MYH4: variants seen among roughly 807,000 people sequenced by gnomAD.
The protein encoded by MYH4 is myosin-4.
MYH4 carries 200 observed loss-of-function variants against 229.9 expected under a neutral mutation model. The observed-to-expected ratio is 0.87, with a 90% CI of 0.78 to 0.98. MYH4 has a LOEUF of 0.98. Among genes scored for constraint, MYH4 ranks in the 50% least tolerant of loss-of-function variants. MYH4 has a pLI of 0.00. For synonymous variants in MYH4, 761 were observed against 834.6 expected (o/e 0.91, Z 1.52); for missense variants, 2,148 against 2,332.6 (o/e 0.92, Z 1.63).
At chr17:10,453,993 A>G (rs2072608890) in intron 22 of MYH4, 108 bp from the exon 23 acceptor site, 1 of 1,414,078 alleles carries the variant, frequency 7.1e-7, no homozygotes, top group Admixed American at 2.1e-5. Context: ...GTCAACATGT[A>G]TACCAGTTGC....
Position 10,463,185 on chromosome 17 carries a change from A to G in MYH4, c.809T>C (p.Leu270Pro), listed in dbSNP as rs1193782859. ...AAAAGTAACTCGGGACTTCTCTAGC[A>G]GATCTGGAAGTCAGATTAAGCTCAT... ...KLASADIETY[L>P]LEKSRVTFQL... The change falls in exon 10 of 40, where the codon CTG (leucine) becomes CCG (proline). Residue 270 changes from leucine to proline, a missense_variant. Transcript: ENST00000255381. 1 of 1,610,572 alleles carries G rather than the reference A, an allele frequency of 6.2e-7. No individual in the cohort carries two copies. The highest frequency in any genetic ancestry group is 8.5e-7 in the Non-Finnish European group (1 of 1,177,588).
In MYH4 at chr17:10,444,590, G is replaced by A. The variant is rs756701646; in HGVS notation, c.5667+14C>T. The stretch of plus-strand genomic sequence containing the variant: ...TGCATCTGAACCTTTCATTTCCACT[G>A]TGGAGATACTCACAGCCTCTTCAGC... On this transcript the variant is annotated intron_variant, in intron 39 of 39. Coordinates refer to ENST00000255381, the MANE Select transcript of MYH4 (RefSeq NM_017533.2). 1.2e-6 allele frequency: 2 copies of A among 1,607,468 alleles called. 1 individual carries two copies. Among genetic ancestry groups the A allele is most frequent in the South Asian group, 2.2e-5 (2 of 90,798 alleles).
At position 10,455,744 on chromosome 17, in the gene MYH4, A is replaced by T; in HGVS notation, c.2057-13T>A. On this transcript the variant is annotated splice_polypyrimidine_tract_variant and intron_variant, in intron 18 of 39. Transcript: ENST00000255381. ...TGCTCCATGGCACCTAAGAGAATGA[A>T]TCCACATGCCATACTTCGTGGTCTA... 1 of 1,614,160 alleles carries T rather than the reference A, an allele frequency of 6.2e-7. No homozygotes were observed. Among genetic ancestry groups the T allele is most frequent in the Non-Finnish European group, 8.5e-7 (1 of 1,180,016 alleles).
At chr17:10,463,791 G>A in intron 7 of MYH4, 148 bp from the exon 8 acceptor site, 1 of 609,900 alleles carries the variant, frequency 1.6e-6, no homozygotes, top group East Asian at 2.9e-5. Context: ...GGTAAATCGG[G>A]AAGGGGAGTG....
rs752164393 is a variant in MYH4, at chr17:10,465,505, G to A, written c.442C>T (p.Arg148Cys). 30 of 1,614,002 alleles carry A rather than the reference G, an allele frequency of 1.9e-5. No individual in the cohort carries two copies. The highest frequency in any genetic ancestry group is 2.4e-5 in the Non-Finnish European group (28 of 1,180,020). Residue 148 changes from arginine to cysteine, a missense_variant, in exon 5 of 40, where the codon CGC (arginine) becomes TGC (cysteine). Arg to Cys is a radical substitution (Grantham distance 180). Coordinates refer to ENST00000255381, the MANE Select transcript of MYH4 (RefSeq NM_017533.2). ...AAGATATGGGGTGGGGCCTCCTGGCGCTTTTTGCCTCGGTAGGCTGTCACC... is the reference window on the plus strand; with the variant it reads ...AAGATATGGGGTGGGGCCTCCTGGCACTTTTTGCCTCGGTAGGCTGTCACC... Reference protein sequence around the residue: ...EVVTAYRGKKRQEAPPHIFSI... With the variant: ...EVVTAYRGKKCQEAPPHIFSI...
In MYH4 at chr17:10,455,728, G is replaced by A. The variant is rs2072631633; in HGVS notation, c.2060C>T (p.Ala687Val). ...IIPNETKTPG[A>V]MEHELVLHQL... ...ATGCAGGACAAGCTCATGCTCCATGGCACCTAAGAGAATGAATCCACATGC... is the reference window on the plus strand; with the variant it reads ...ATGCAGGACAAGCTCATGCTCCATGACACCTAAGAGAATGAATCCACATGC... Residue 687 changes from alanine (A) to valine (V), a missense_variant, in exon 19 of 40, where the codon GCC (alanine) becomes GTC (valine). Coordinates refer to ENST00000255381, the MANE Select transcript of MYH4 (RefSeq NM_017533.2). 6.2e-7 allele frequency: 1 copy of A among 1,614,092 alleles called. No homozygotes were observed. Among genetic ancestry groups the A allele is most frequent in the Non-Finnish European group, 8.5e-7 (1 of 1,180,010 alleles).
In MYH4 at chr17:10,455,800, C is replaced by T. The variant is rs746636530; in HGVS notation, c.2056+14G>A. Reference sequence around the variant, plus strand: ...CACACACTGGAGCTTGTCTGGATATCAGAAATGTCTTACCAGGAGTTTTAG... The same window carrying T: ...CACACACTGGAGCTTGTCTGGATATTAGAAATGTCTTACCAGGAGTTTTAG... On this transcript the variant is annotated intron_variant, in intron 18 of 39. Coordinates refer to ENST00000255381, the MANE Select transcript of MYH4 (RefSeq NM_017533.2). 2 of 1,614,040 alleles carry T rather than the reference C, an allele frequency of 1.2e-6. No homozygotes were observed. Among genetic ancestry groups the T allele is most frequent in the African/African-American group, 2.7e-5 (2 of 74,922 alleles).
intron 2 of MYH4, among the ~76,000 whole-genome samples, chr17:10,469,077 T>A (rs1356699155): frequency 7.1e-6 from 1 of 141,266 alleles, no homozygotes; most frequent in Admixed American, 7.5e-5. Flanking sequence ...CTTTCTGTAG[T>A]TCTAACAACA....
rs375508154 is a variant in MYH4, at chr17:10,454,760, T to C, written c.2486A>G (p.Lys829Arg). 4 of 1,614,110 alleles carry C rather than the reference T, an allele frequency of 2.5e-6. No homozygotes were observed. In the African/African-American group the frequency reaches 4.0e-5, roughly 16 times the overall value. The change falls in exon 22 of 40, where the codon AAG becomes AGG. Residue 829 changes from lysine to arginine, a missense_variant. Transcript: ENST00000255381. ...ATACAGCTTCATCCAGGGCCAGTGC[T>C]TCACATTCATGAAAGCACGGATGTT... ...QYNIRAFMNVKHWPWMKLYFK... is the reference protein window; with the variant it reads ...QYNIRAFMNVRHWPWMKLYFK...
In MYH4 at chr17:10,465,545, C is replaced by T; in HGVS notation, c.402G>A (p.Val134=). 6.2e-7 allele frequency: 1 copy of T among 1,614,126 alleles called. No homozygotes were observed. The highest frequency in any genetic ancestry group is 8.5e-7 in the Non-Finnish European group (1 of 1,180,028). Residue 134 remains valine, a synonymous_variant, in exon 5 of 40, where the codon GTG becomes GTA. Coordinates refer to ENST00000255381, the MANE Select transcript of MYH4 (RefSeq NM_017533.2). The stretch of plus-strand genomic sequence containing the variant: ...AGGCTGTCACCACCTCAGGGTTGTA[C>T]ACCGGCAGCCACTTGTAGGGGTTGA... ...VTVNPYKWLP[V]YNPEVVTAYR... is the part of the protein sequence containing the mutation.
Position 10,451,397 on chromosome 17 carries a change from G to T in MYH4, c.3794C>A (p.Thr1265Lys). The change falls in exon 28 of 40, where the codon ACA becomes AAA. Residue 1265 changes from threonine to lysine, a missense_variant. Physicochemically the swap from Thr to Lys is moderately conservative, Grantham distance 78. Transcript: ENST00000255381. ...TAAGCGTTGTTGCTCTTCTTCCTTTGTTTTTATTTCACTAAGCTGGTCCTC... is the reference window on the plus strand; with the variant it reads ...TAAGCGTTGTTGCTCTTCTTCCTTTTTTTTTATTTCACTAAGCTGGTCCTC... ...TLEDQLSEIKTKEEEQQRLIN... is the reference protein window; with the variant it reads ...TLEDQLSEIKKKEEEQQRLIN... The T allele has an allele frequency of 1.2e-6, 2 of 1,613,956 alleles. No homozygotes were observed. The highest frequency in any genetic ancestry group is 1.7e-6 in the Non-Finnish European group (2 of 1,179,952).
At chr17:10,468,594 G>T (rs2072790749) in intron 2 of MYH4, among the ~76,000 whole-genome samples, 1 of 152,166 alleles carries the variant, frequency 6.6e-6, no homozygotes, top group Admixed American at 6.5e-5. Context: ...CAATTAGCAG[G>T]ATTCCATTAG....
intron 2 of MYH4, among the ~76,000 whole-genome samples, chr17:10,468,702 AG>A (rs1158063236): frequency 6.6e-6 from 1 of 152,194 alleles, no homozygotes; most frequent in Admixed American, 6.5e-5. Flanking sequence ...AAGAGCTGGA[AG>A]GACCTTAGCA....
At chr17:10,461,371 C>A (rs1273661156) in intron 11 of MYH4, among the ~76,000 whole-genome samples, 1 of 152,058 alleles carries the variant, frequency 6.6e-6, no homozygotes, top group Non-Finnish European at 1.5e-5. Context: ...TTTTCTCCAC[C>A]CCAGCCCCCC....
At chr17:10,465,370 G>A (rs1197488201) in intron 5 of MYH4, 72 bp downstream of exon 5, 9 of 1,541,768 alleles carry the variant, frequency 5.8e-6, no homozygotes, top group Non-Finnish European at 7.2e-6. Context: ...CAGAATACTA[G>A]CCCTATGTTT....
At chr17:10,458,946 G>A (rs1287041675) in intron 15 of MYH4, among the ~76,000 whole-genome samples, 1 of 152,136 alleles carries the variant, frequency 6.6e-6, no homozygotes, top group Non-Finnish European at 1.5e-5. Flanking sequence ...CAACCCAGAG[G>A]AATAGCTGTA....
At chr17:10,465,324 A>C in intron 5 of MYH4, 118 bp downstream of exon 5, 2 of 1,294,626 alleles carry the variant, frequency 1.5e-6, no homozygotes, top group Non-Finnish European at 2.1e-6. Context: ...TAATTTTATT[A>C]TTTCTGTTAT....
intron 33 of MYH4, 25 bp from the exon 34 acceptor site, chr17:10,448,151 G>A: frequency 5.7e-6 from 9 of 1,578,004 alleles, no homozygotes; most frequent in African/African-American, 1.4e-5. Flanking sequence ...CATTTATTTA[G>A]GTTACCTAAA....
At chr17:10,458,075 A>G (rs144951871) in intron 15 of MYH4, among the ~76,000 whole-genome samples, 1 of 152,298 alleles carries the variant, frequency 6.6e-6, no homozygotes, top group African/African-American at 2.4e-5. Flanking sequence ...TTTACCTCGA[A>G]TCTAGAGGTG....
Sources: allele counts gnomAD v4.1 joint callset (sites outside exome capture counted in the v4.1 genomes callset), GRCh38; gene constraint gnomAD v4.1.1; transcripts MANE v1.5; gene names NCBI Gene and HGNC (gene_info 2026-07-23, HGNC 2026-07-21).